SCFD2: variants seen among roughly 807,000 people sequenced by gnomAD.
SCFD2 encodes sec1 family domain containing 2.
Under a neutral mutation model 58.9 loss-of-function variants are expected in SCFD2, and 54 were observed. The ratio of observed to expected loss-of-function variants is 0.92; its 90% confidence interval spans 0.74 to 1.15. SCFD2 has a LOEUF of 1.15. SCFD2 is among the 50% of genes most tolerant of loss of function. The pLI, the probability that SCFD2 is intolerant of heterozygous loss-of-function variation, is 0.00. For missense variants in SCFD2, 805 were observed against 836.6 expected (o/e 0.96, Z 0.47); for synonymous variants, 321 against 335.9 (o/e 0.96, Z 0.49).
At chr4:53,083,184 A>C (rs909813234) in intron 5 of SCFD2, among the ~76,000 whole-genome samples, 1 of 152,140 alleles carries the variant, frequency 6.6e-6, no homozygotes, top group African/African-American at 2.4e-5. Context: ...GCTTTGAACA[A>C]TATTTCAAAA....
chr4:53,358,961 C>G (rs1360769678), intron 1 of SCFD2, among the ~76,000 whole-genome samples: 1 of 152,090 alleles, frequency 6.6e-6, no homozygotes, highest in Non-Finnish European at 1.5e-5. Context: ...ATATTTAAGC[C>G]CTGAGTGCTT....
Position 53,323,468 on chromosome 4 carries a change from G to C in SCFD2, c.1008-9705C>G, listed in dbSNP as rs531961176. 2.0e-5 allele frequency among the ~76,000 whole-genome samples: 3 copies of C among 150,440 alleles called. No individual in the cohort carries two copies. In the East Asian group the frequency reaches 5.9e-4, roughly 29 times the overall value. ...AGCTCACTACAACCTAGACTTCCTGGACCAAGTGACCCTCCCACCTGAGTA... is the reference window on the plus strand; with the variant it reads ...AGCTCACTACAACCTAGACTTCCTGCACCAAGTGACCCTCCCACCTGAGTA... On this transcript the variant is annotated intron_variant, in intron 2 of 8. Coordinates refer to ENST00000401642, the MANE Select transcript of SCFD2 (RefSeq NM_152540.4).
intron 5 of SCFD2, among the ~76,000 whole-genome samples, chr4:53,049,394 T>C (rs1027035812): frequency 2.6e-5 from 4 of 152,258 alleles, no homozygotes; most frequent in African/African-American, 9.6e-5. Flanking sequence ...AACAGTGGTA[T>C]AGTGCATACC....
intron 1 of SCFD2, among the ~76,000 whole-genome samples, chr4:53,361,414 C>T (rs1399490401): frequency 2.6e-5 from 4 of 152,098 alleles, no homozygotes; most frequent in African/African-American, 7.2e-5. Flanking sequence ...CTTATTTATT[C>T]GAGACAAGGT....
At chr4:53,121,769 T>G (rs186448050) in intron 5 of SCFD2, among the ~76,000 whole-genome samples, 36 of 152,320 alleles carry the variant, frequency 2.4e-4, no homozygotes, top group Non-Finnish European at 2.9e-5. Flanking sequence ...AAAGTGGGAT[T>G]CCAGGCAGCC....
At chr4:53,179,520 C>A (rs1727467999) in intron 4 of SCFD2, among the ~76,000 whole-genome samples, 2 of 152,182 alleles carry the variant, frequency 1.3e-5, no homozygotes, top group African/African-American at 4.8e-5. Context: ...ATGAAAGGAA[C>A]AACCAGTACC....
At position 52,988,234 on chromosome 4, in the gene SCFD2, T is replaced by C. The variant is rs146950003; in HGVS notation, c.1562-67364A>G. On this transcript the variant is annotated intron_variant, in intron 5 of 8. Transcript: ENST00000401642. ...TAAATCACACTCCGAGTTTTGACTATGACATGGAGTTGGACTTACAAATTA... is the reference window on the plus strand; with the variant it reads ...TAAATCACACTCCGAGTTTTGACTACGACATGGAGTTGGACTTACAAATTA... Among the ~76,000 whole-genome samples the C allele has an allele frequency of 1.8e-3, 281 of 152,338 alleles. 1 individual carries two copies. Among genetic ancestry groups the C allele is most frequent in the African/African-American group, 6.5e-3 (272 of 41,576 alleles).
At chr4:52,997,633 C>T (rs942821047) in intron 5 of SCFD2, among the ~76,000 whole-genome samples, 2 of 152,172 alleles carry the variant, frequency 1.3e-5, no homozygotes, top group Admixed American at 6.5e-5. Context: ...AAAAGGCCAA[C>T]CTCAGGGCTT....
At chr4:52,881,229 A>C (rs778164692) in intron 8 of SCFD2, among the ~76,000 whole-genome samples, 3 of 152,216 alleles carry the variant, frequency 2.0e-5, no homozygotes, top group Non-Finnish European at 4.4e-5. Context: ...ACTTTTTGTG[A>C]AAGACAGTTC....
intron 5 of SCFD2, among the ~76,000 whole-genome samples, chr4:53,139,405 G>A (rs28657044): frequency 0.023 from 3,074 of 132,368 alleles, 187 homozygotes; most frequent in African/African-American, 0.074. Flanking sequence ...CTTCCCGGCT[G>A]CCGGCCGTCA....
intron 5 of SCFD2, among the ~76,000 whole-genome samples, chr4:53,099,017 G>A (rs1724748973): frequency 6.6e-6 from 1 of 152,064 alleles, no homozygotes; most frequent in Non-Finnish European, 1.5e-5. Flanking sequence ...GCTCTGTAAG[G>A]GAAGTGAATC....
intron 5 of SCFD2, among the ~76,000 whole-genome samples, chr4:53,002,437 T>C (rs1335236519): frequency 6.6e-6 from 1 of 152,170 alleles, no homozygotes; most frequent in Non-Finnish European, 1.5e-5. Context: ...CTTCCTACTA[T>C]GAACAACAGC....
rs1719713007 is a variant in SCFD2, at chr4:52,920,676, C to G, written c.1707+49G>C. On this transcript the variant is annotated intron_variant, in intron 6 of 8. Coordinates refer to ENST00000401642, the MANE Select transcript of SCFD2 (RefSeq NM_152540.4). ...ACCTTTTCTTCTATAGACTCTGAAT[C>G]CTAGAAGTACAACAGATTAGAAGGT... The G allele has an allele frequency of 2.9e-6, 4 of 1,374,672 alleles. No homozygotes were observed. In the Admixed American group the frequency reaches 7.0e-5, roughly 24 times the overall value. The allele number at this position is 1,374,672 out of a possible 1,614,324, so 85.2% of individuals were successfully genotyped here.
intron 7 of SCFD2, among the ~76,000 whole-genome samples, chr4:52,894,481 C>T (rs1718952364): frequency 6.6e-6 from 1 of 152,132 alleles, no homozygotes; most frequent in Non-Finnish European, 1.5e-5. Flanking sequence ...ATTAGACATG[C>T]TAGTTTTAAA....
At chr4:53,331,500 G>C (rs953110062) in intron 2 of SCFD2, among the ~76,000 whole-genome samples, 1 of 152,152 alleles carries the variant, frequency 6.6e-6, no homozygotes, top group African/African-American at 2.4e-5. Flanking sequence ...ATGACTACTG[G>C]ATACATAACG....
At chr4:52,995,535 G>A (rs1388999668) in intron 5 of SCFD2, among the ~76,000 whole-genome samples, 3 of 152,196 alleles carry the variant, frequency 2.0e-5, no homozygotes, top group South Asian at 2.1e-4. Context: ...AGTCACTTCC[G>A]TTTGACCAGC....
chr4:53,238,456 C>T (rs1425155775), intron 4 of SCFD2, among the ~76,000 whole-genome samples: 1 of 150,118 alleles, frequency 6.7e-6, no homozygotes, highest in African/African-American at 2.5e-5. Flanking sequence ...GGGGGCTGAC[C>T]CCCCCACCTC....
chr4:52,991,382 A>G (rs780935838), intron 5 of SCFD2, among the ~76,000 whole-genome samples: 13 of 152,180 alleles, frequency 8.5e-5, no homozygotes, highest in Non-Finnish European at 1.9e-4. Context: ...ACTCCCAGAT[A>G]TGTTGATTTC....
At chr4:53,004,569 A>G (rs895846209) in intron 5 of SCFD2, among the ~76,000 whole-genome samples, 5 of 152,200 alleles carry the variant, frequency 3.3e-5, no homozygotes, top group African/African-American at 1.2e-4. Context: ...CGTAGATGTT[A>G]AGTAGCTTGC....
Sources: gnomAD v4.1 joint callset for allele counts (sites outside exome capture counted in the v4.1 genomes callset) on GRCh38, gnomAD v4.1.1 for gene constraint, MANE v1.5 for transcripts, NCBI Gene and HGNC (gene_info 2026-07-23, HGNC 2026-07-21) for gene names.